ACIN1: variants seen among roughly 807,000 people sequenced by gnomAD.
ACIN1 encodes apoptotic chromatin condensation inducer 1, also known as apoptotic chromatin condensation inducer in the nucleus.
A neutral mutation model predicts 146.6 loss-of-function variants in ACIN1; 16 were observed. The ratio of observed to expected loss-of-function variants is 0.11; its 90% CI spans 0.07 to 0.17. The LOEUF is 0.17. ACIN1 is among the 10% of genes least tolerant of loss of function. The pLI, the probability that ACIN1 is intolerant of heterozygous loss-of-function variation, is 1.00. For synonymous variants in ACIN1, 569 were observed against 582.7 expected (o/e 0.98, Z 0.34); for missense variants, 1,357 against 1,609.3 (o/e 0.84, Z 2.68).
intron 8 of ACIN1, 35 bp from the exon 9 acceptor site, chr14:23,069,652 G>T: frequency 6.9e-6 from 4 of 577,966 alleles, no homozygotes; most frequent in Non-Finnish European, 1.3e-5. Context: ...GGGGGGGCGG[G>T]CAGAAAAGAA....
rs754496933 is a variant in ACIN1, at chr14:23,095,123, G to T, written c.-11C>A. On this transcript the variant is annotated 5_prime_UTR_variant, in exon 1 of 19. Transcript: ENST00000605057. ...CTCCAGCTCCGCCATCTTGCGTGAG[G>T]TACTCGGGTCCGTCCCGACGGCTTC... The T allele has an allele frequency of 1.2e-6, 2 of 1,614,218 alleles. No individual in the cohort carries two copies. The highest frequency in any genetic ancestry group is 1.7e-6 in the Non-Finnish European group (2 of 1,180,042).
Position 23,067,220 on chromosome 14 carries a change from GA to G in ACIN1, c.2266-1213del. 2.5e-6 allele frequency: 2 copies of G among 808,416 alleles called. No homozygotes were observed. The highest frequency in any genetic ancestry group is 6.4e-4 in the Middle Eastern group (1 of 1,572). The allele number at this position is 808,416 out of a possible 1,614,324, so 50.1% of individuals were successfully genotyped here. ...AGAAATCAGAAAAAATAAAGATATA[GA>G]AAAAAATAAAATAAAATATTAAAAA... On this transcript the variant is annotated intron_variant, in intron 9 of 18. Coordinates refer to ENST00000605057, the MANE Select transcript of ACIN1 (RefSeq NM_001386863.1). This position sits in a 1 kb window ranked among gnomAD's most constrained non-coding sequence, Gnocchi z 4.6.
rs1406878623 is a variant in ACIN1 at position 23,080,682 on chromosome 14, T to C, written c.653A>G (p.Glu218Gly). The C allele has an allele frequency of 1.2e-6, 2 of 1,613,960 alleles. No individual in the cohort carries two copies. Among genetic ancestry groups the C allele is most frequent in the South Asian group, 2.2e-5 (2 of 91,066 alleles). ...TTCATCATCTTCTTCCTCCTCCTCC[T>C]CCTCCTCTTCTTCCTCCTCTGTTTT... ...NLKTEEEEEE[E>G]EEEEEDDEEE... Residue 218 changes from glutamate (E) to glycine (G), a missense_variant, in exon 6 of 19, where the codon GAG becomes GGG. Physicochemically the swap from Glu to Gly is moderately conservative, Grantham distance 98. Coordinates refer to ENST00000605057, the MANE Select transcript of ACIN1 (RefSeq NM_001386863.1).
chr14:23,093,122 T>C (rs1291133001), intron 2 of ACIN1, among the ~76,000 whole-genome samples: 1 of 152,224 alleles, frequency 6.6e-6, no homozygotes, highest in Non-Finnish European at 1.5e-5. Flanking sequence ...TACACTGCCA[T>C]ATTGGTGATC....
intron 18 of ACIN1, 88 bp from the exon 19 acceptor site, chr14:23,059,562 G>A: frequency 9.5e-7 from 1 of 1,055,748 alleles, no homozygotes; most frequent in Non-Finnish European, 1.4e-6. Context: ...CCTAGCTCAG[G>A]GTCAGCTTTT....
intron 18 of ACIN1, among the ~76,000 whole-genome samples, chr14:23,059,695 C>G (rs560768713): frequency 1.3e-5 from 2 of 151,362 alleles, no homozygotes; most frequent in Admixed American, 6.6e-5. Flanking sequence ...CTCCGTCGCC[C>G]AGGCTGGGAG....
At chr14:23,087,495 C>A (rs574077414) in intron 4 of ACIN1, among the ~76,000 whole-genome samples, 3 of 148,970 alleles carry the variant, frequency 2.0e-5, no homozygotes, top group South Asian at 2.1e-4. Context: ...AATCATTAGC[C>A]ATGGGCAGGG....
intron 2 of ACIN1, among the ~76,000 whole-genome samples, chr14:23,091,265 C>A (rs554376651): frequency 9.9e-5 from 15 of 152,128 alleles, no homozygotes; most frequent in Non-Finnish European, 1.9e-4. Flanking sequence ...TCCTAGATTA[C>A]GTGGAACATT....
intron 18 of ACIN1, among the ~76,000 whole-genome samples, chr14:23,059,803 G>A (rs951455758): frequency 2.6e-5 from 4 of 151,736 alleles, no homozygotes; most frequent in African/African-American, 9.7e-5. Flanking sequence ...ACAGGCGCCC[G>A]CGACCACGCC....
chr14:23,062,744 G>T (rs2047327733), intron 14 of ACIN1, 185 bp downstream of exon 14: 1 of 856,434 alleles, frequency 1.2e-6, no homozygotes, highest in Non-Finnish European at 1.8e-6. Flanking sequence ...AAACAACCCT[G>T]CAGGGCAACA....
rs1363594225 is a variant in ACIN1 at position 23,061,063 on chromosome 14, G to A, written c.3525+21C>T. ...AAGCCTCAGTGCCACTAGGGAGCAG[G>A]GCACGAAGAAGAGCACTCACCTGGC... On this transcript the variant is annotated intron_variant, in intron 18 of 18. Coordinates refer to ENST00000605057, the MANE Select transcript of ACIN1 (RefSeq NM_001386863.1). 1.9e-6 allele frequency: 3 copies of A among 1,610,578 alleles called. No homozygotes were observed. The East Asian group carries it at 6.7e-5, about 36-fold the overall frequency.
At position 23,076,888 on chromosome 14, in the gene ACIN1, G is replaced by A. The variant is rs780980482; in HGVS notation, c.2123+1263C>T. The stretch of plus-strand genomic sequence containing the variant: ...GAATCCTGAATACCTTCCAGAATCC[G>A]CTGAGTTTTCACTTTATGGTCCCAG... On this transcript the variant is annotated intron_variant, in intron 8 of 18. Coordinates refer to ENST00000605057, the MANE Select transcript of ACIN1 (RefSeq NM_001386863.1). 6.7e-4 allele frequency among the ~76,000 whole-genome samples: 102 copies of A among 152,172 alleles called. 1 individual carries two copies. Among genetic ancestry groups the A allele is most frequent in the Non-Finnish European group, 1.1e-3 (76 of 68,034 alleles).
chr14:23,081,841 T>C lies in ACIN1; in HGVS notation c.437-5A>G, dbSNP rs1173678897. 1 of 1,602,292 alleles carries C rather than the reference T, an allele frequency of 6.2e-7. No individual in the cohort carries two copies. Among genetic ancestry groups the C allele is most frequent in the Admixed American group, 1.7e-5 (1 of 58,238 alleles). On this transcript the variant is annotated splice_polypyrimidine_tract_variant and splice_region_variant and intron_variant, in intron 4 of 18. Transcript: ENST00000605057. ...CAGAAATTGAGGAGCTTTTTCCTAT[T>C]GAATGAAAAAGAATCAAGTCAGATT...
intron 8 of ACIN1, among the ~76,000 whole-genome samples, chr14:23,072,827 G>A (rs192382248): frequency 9.2e-5 from 14 of 152,294 alleles, no homozygotes; most frequent in Non-Finnish European, 1.8e-4. Flanking sequence ...GTCTGCTCAG[G>A]GTTAAGAGTG....
intron 8 of ACIN1, chr14:23,071,074 G>A (rs1448271970): frequency 1.3e-6 from 2 of 1,516,716 alleles, no homozygotes; most frequent in Non-Finnish European, 1.8e-6. Flanking sequence ...GGAAGACGAA[G>A]GGAGCTAGGG....
intron 12 of ACIN1, 130 bp downstream of exon 12, chr14:23,063,975 G>C (rs1373492428): frequency 8.0e-7 from 1 of 1,252,078 alleles, no homozygotes; most frequent in African/African-American, 1.5e-5. Context: ...ACCCCTGAAA[G>C]TGTCAGTCAA....
At chr14:23,074,444 A>AG (rs2047748052) in intron 8 of ACIN1, among the ~76,000 whole-genome samples, 1 of 152,042 alleles carries the variant, frequency 6.6e-6, no homozygotes, top group African/African-American at 2.4e-5. Context: ...CCGCGTCTAT[A>AG]GTCCCAGATA....
Position 23,067,511 on chromosome 14 carries a change from G to GGGGGGGCTGGC in ACIN1, c.2266-1504_2266-1503insGCCAGCCCCCC. 1 of 221,756 alleles carries GGGGGGGCTGGC rather than the reference G, an allele frequency of 4.5e-6. No homozygotes were observed. Among genetic ancestry groups the GGGGGGGCTGGC allele is most frequent in the Non-Finnish European group, 7.3e-6 (1 of 137,288 alleles). The allele number at this position is 221,756 out of a possible 1,614,324, so 13.7% of individuals were successfully genotyped here. A position where few individuals can be genotyped will look rare whatever the true frequency, so the allele number is the denominator to read the frequency against. Reference sequence around the variant, plus strand: ...CCAGGGGCGCAGGGGGGGCGGGAGGGAAACGTGTGGGGGGACGCTGCCCAG... The same window carrying GGGGGGGCTGGC: ...CCAGGGGCGCAGGGGGGGCGGGAGGGGGGGGGCTGGCAAACGTGTGGGGGGACGCTGCCCAG... On this transcript the variant is annotated intron_variant, in intron 9 of 18. Coordinates refer to ENST00000605057, the MANE Select transcript of ACIN1 (RefSeq NM_001386863.1). This position sits in a 1 kb window ranked among gnomAD's most constrained non-coding sequence, Gnocchi z 4.6.
intron 4 of ACIN1, among the ~76,000 whole-genome samples, chr14:23,084,148 C>T (rs1430777962): frequency 2.0e-5 from 3 of 152,030 alleles, no homozygotes. Context: ...GGTTTTGCCA[C>T]GTTGGCCAGG....
Sources: allele counts gnomAD v4.1 joint callset (sites outside exome capture counted in the v4.1 genomes callset), GRCh38; gene constraint gnomAD v4.1.1; non-coding constraint Gnocchi (gnomAD v3.1); transcripts MANE v1.5; gene names NCBI Gene and HGNC (gene_info 2026-07-23, HGNC 2026-07-21).